The following SP100 variants were observed in gnomAD, a reference collection of about 807,000 sequenced individuals.
The protein encoded by SP100 is nuclear autoantigen Sp-100.
Under a neutral mutation model 130.0 loss-of-function variants are expected in SP100, and 84 were observed. The ratio of observed to expected loss-of-function variants is 0.65; its 90% CI spans 0.54 to 0.77. The LOEUF is 0.77. Ranked by LOEUF, SP100 falls within the 30% of genes least tolerant of loss-of-function variation. The pLI is 0.00. For missense variants in SP100, 978 were observed against 1,052.2 expected (o/e 0.93, Z 0.97); for synonymous variants, 331 against 351.7 (o/e 0.94, Z 0.66).
intron 8 of SP100, among the ~76,000 whole-genome samples, chr2:230,459,230 T>C (rs1333523200): frequency 6.6e-6 from 1 of 151,838 alleles, no homozygotes; most frequent in Non-Finnish European, 1.5e-5. Flanking sequence ...GGACAATGAA[T>C]GAAAAATTGG....
chr2:230,496,524 G>C (rs866130420), intron 18 of SP100, among the ~76,000 whole-genome samples: 13 of 152,064 alleles, frequency 8.5e-5, no homozygotes, highest in African/African-American at 2.9e-4. Context: ...TACTATATAG[G>C]TTGGTGCAAA....
intron 24 of SP100, among the ~76,000 whole-genome samples, chr2:230,524,190 A>G (rs1691307053): frequency 2.1e-5 from 3 of 142,720 alleles, no homozygotes; most frequent in South Asian, 4.5e-4. Context: ...AAAAAAAAAA[A>G]AAAAAAAAAA....
intron 17 of SP100, among the ~76,000 whole-genome samples, chr2:230,479,658 A>G (rs1168014564): frequency 6.6e-6 from 1 of 152,228 alleles, no homozygotes; most frequent in Non-Finnish European, 1.5e-5. Context: ...AATCCAGTGA[A>G]ATGGAAGAAA....
rs759550942 is a variant in SP100 at position 230,506,342 on chromosome 2, G to C, written c.1910G>C (p.Trp637Ser). 3 of 1,613,880 alleles carry C rather than the reference G, an allele frequency of 1.9e-6. No homozygotes were observed. The East Asian group carries it at 6.7e-5, about 36-fold the overall frequency. ...TGTATACAGAGTGAGGATAAAAAGTGGTTCACTCCCAGGGAATTTGAAATT... is the reference window on the plus strand; with the variant it reads ...TGTATACAGAGTGAGGATAAAAAGTCGTTCACTCCCAGGGAATTTGAAATT... ...KKCIQSEDKK[W>S]FTPREFEIEG... is the part of the protein sequence containing the mutation. Residue 637 changes from tryptophan (W) to serine (S), a missense_variant, in exon 22 of 29, where the codon TGG (tryptophan) becomes TCG (serine). Transcript: ENST00000340126.
intron 19 of SP100, among the ~76,000 whole-genome samples, chr2:230,502,621 C>G (rs2067100683): frequency 6.6e-6 from 1 of 152,190 alleles, no homozygotes; most frequent in Non-Finnish European, 1.5e-5. Flanking sequence ...CATTCTTGCT[C>G]TCCTCCTGTT....
intron 8 of SP100, among the ~76,000 whole-genome samples, 166 bp from the exon 9 acceptor site, chr2:230,461,096 C>T (rs2064590637): frequency 6.6e-6 from 1 of 151,658 alleles, no homozygotes; most frequent in Non-Finnish European, 1.5e-5. Context: ...CAAAACAGAG[C>T]CAAGAGAGGC....
At chr2:230,524,869 A>C (rs1048919426) in intron 24 of SP100, among the ~76,000 whole-genome samples, 4 of 152,234 alleles carry the variant, frequency 2.6e-5, no homozygotes, top group Admixed American at 2.6e-4. Flanking sequence ...AATTCTAGTT[A>C]ATATGTAATT....
At chr2:230,452,822 T>C (rs1204225792) in intron 8 of SP100, among the ~76,000 whole-genome samples, 2 of 151,034 alleles carry the variant, frequency 1.3e-5, no homozygotes, top group Admixed American at 6.6e-5. Flanking sequence ...CTAGCAGTTT[T>C]TTTTTTTTTT....
At chr2:230,498,583 T>A in intron 19 of SP100, 48 bp downstream of exon 19, 1 of 1,064,396 alleles carries the variant, frequency 9.4e-7, no homozygotes, top group Non-Finnish European at 1.3e-6. Context: ...TAAATTCTCA[T>A]GCTCTTAGTA....
At chr2:230,529,283 C>A (rs970802633) in intron 24 of SP100, among the ~76,000 whole-genome samples, 2 of 152,182 alleles carry the variant, frequency 1.3e-5, no homozygotes, top group African/African-American at 4.8e-5. Flanking sequence ...ATACGCAAAT[C>A]AATAAACGTA....
chr2:230,473,332 C>A lies in SP100; in HGVS notation c.1438C>A (p.Pro480Thr). ...SSLRRGSGSQ[P>T]QEPENKKCSC... Reference sequence around the variant, plus strand: ...TACAAATCACAATTTAGGATCACAGCCACAAGAACCTGAAAATAAGAAGTG... The same window carrying A: ...TACAAATCACAATTTAGGATCACAGACACAAGAACCTGAAAATAAGAAGTG... Residue 480 changes from proline to threonine, a missense_variant, in exon 16 of 29, where the codon CCA becomes ACA. Transcript: ENST00000340126. 1 of 1,610,518 alleles carries A rather than the reference C, an allele frequency of 6.2e-7. No homozygotes were observed. Among genetic ancestry groups the A allele is most frequent in the East Asian group, 2.2e-5 (1 of 44,824 alleles).
intron 9 of SP100, among the ~76,000 whole-genome samples, chr2:230,461,776 C>G (rs1575657505): frequency 6.6e-6 from 1 of 151,752 alleles, no homozygotes; most frequent in African/African-American, 2.4e-5. Flanking sequence ...TGGCGAAACC[C>G]CATCTCTACA....
At chr2:230,501,969 A>T (rs1387859775) in intron 19 of SP100, among the ~76,000 whole-genome samples, 1 of 151,940 alleles carries the variant, frequency 6.6e-6, no homozygotes, top group Non-Finnish European at 1.5e-5. Flanking sequence ...CCCGGATTCA[A>T]GCAATTCTCC....
At chr2:230,428,176 A>G (rs1004485765) in intron 2 of SP100, among the ~76,000 whole-genome samples, 1 of 152,126 alleles carries the variant, frequency 6.6e-6, no homozygotes. Context: ...GAGCCAAGAT[A>G]GCACCATTGC....
chr2:230,543,074 T>C lies in SP100; in HGVS notation c.*128T>C. The C allele has an allele frequency of 1.8e-6, 1 of 561,238 alleles. No individual in the cohort carries two copies. Among genetic ancestry groups the C allele is most frequent in the Non-Finnish European group, 3.2e-6 (1 of 310,348 alleles). The allele number at this position is 561,238 out of a possible 1,614,324, so 34.8% of individuals were successfully genotyped here. On this transcript the variant is annotated 3_prime_UTR_variant, in exon 29 of 29. Transcript: ENST00000340126. Reference sequence around the variant, plus strand: ...TTCTCCAAAATTTATCATTGCCATTTTAAAACCGTCTTTTCAGCTTTCAAT... The same window carrying C: ...TTCTCCAAAATTTATCATTGCCATTCTAAAACCGTCTTTTCAGCTTTCAAT...
intron 2 of SP100, among the ~76,000 whole-genome samples, chr2:230,439,857 T>A (rs1020058069): frequency 5.3e-5 from 8 of 152,272 alleles, no homozygotes; most frequent in African/African-American, 1.9e-4. Context: ...CTTCCTGTTT[T>A]ATCTTTTACA....
Position 230,442,412 on chromosome 2 carries a change from C to CATT in SP100, c.108-514_108-512dup, listed in dbSNP as rs1053917115. ...CATGAAATTCTCAATAATGTGGTCT[C>CATT]ATTATTATTATTAAACTGCATTGTA... On this transcript the variant is annotated intron_variant, in intron 2 of 28. Transcript: ENST00000340126. Among the ~76,000 whole-genome samples the CATT allele has an allele frequency of 2.0e-5, 3 of 152,040 alleles. No homozygotes were observed. In the South Asian group the frequency reaches 6.2e-4, roughly 32 times the overall value.
intron 15 of SP100, among the ~76,000 whole-genome samples, chr2:230,471,972 T>C (rs974112047): frequency 6.6e-6 from 1 of 151,854 alleles, no homozygotes; most frequent in African/African-American, 2.4e-5. Flanking sequence ...CCTTGCAAGG[T>C]AGAAAGCTCA....
At chr2:230,419,640 A>T (rs942634323) in intron 2 of SP100, among the ~76,000 whole-genome samples, 1 of 152,186 alleles carries the variant, frequency 6.6e-6, no homozygotes, top group African/African-American at 2.4e-5. Context: ...ACAAAAAGAG[A>T]CCACATTTAC....
Sources: gnomAD v4.1 joint callset for allele counts (sites outside exome capture counted in the v4.1 genomes callset) on GRCh38, gnomAD v4.1.1 for gene constraint, MANE v1.5 for transcripts, NCBI Gene and HGNC (gene_info 2026-07-23, HGNC 2026-07-21) for gene names.